CFLAR: variants seen among roughly 807,000 people sequenced by gnomAD.
CFLAR encodes the protein CASP8 and FADD like apoptosis regulator.
In CFLAR, 14 loss-of-function variants were observed where a neutral mutation model predicts 51.1. The ratio of observed to expected loss-of-function variants is 0.27; its 90% CI spans 0.18 to 0.43. The LOEUF (loss-of-function observed/expected upper bound fraction) is 0.43. Ranked by LOEUF, CFLAR falls within the 20% of genes least tolerant of loss-of-function variation. The pLI is 1.00. For synonymous variants in CFLAR, 210 were observed against 211.6 expected (o/e 0.99, Z 0.06); for missense variants, 390 against 566.5 (o/e 0.69, Z 3.16).
At position 201,140,437 on chromosome 2, in the gene CFLAR, A is replaced by T. The variant is rs773046454; in HGVS notation, c.604A>T (p.Arg202Trp). The T allele has an allele frequency of 2.5e-6, 4 of 1,594,832 alleles. No individual in the cohort carries two copies. Among genetic ancestry groups the T allele is most frequent in the Non-Finnish European group, 1.7e-6 (2 of 1,173,814 alleles). ...TCTCAAGGATCCTTCAAATAACTTC[A>T]GGGTGAGTCTGGAGAAAACATATGG... The part of the protein sequence containing the change: ...KSLKDPSNNF[R>W]LHNGRSKEQR... The change falls in exon 5 of 10, where the codon AGG (arginine) becomes TGG (tryptophan). Residue 202 changes from arginine (R) to tryptophan (W), a missense_variant and splice_region_variant. Physicochemically the swap from Arg to Trp is moderately radical, Grantham distance 101 (BLOSUM62 -3). Around this residue, in one of 2 missense-constraint regions of CFLAR, gnomAD observed 287 missense variants for 363.6 expected, o/e 0.79. Transcript: ENST00000309955.
chr2:201,152,620 A>G (rs1941464017), intron 8 of CFLAR, among the ~76,000 whole-genome samples: 1 of 152,224 alleles, frequency 6.6e-6, no homozygotes, highest in Non-Finnish European at 1.5e-5. Flanking sequence ...CAGGGCACTG[A>G]GGCCTGCCCT....
intron 1 of CFLAR, among the ~76,000 whole-genome samples, chr2:201,128,740 T>C (rs1200094389): frequency 6.6e-6 from 1 of 152,226 alleles, no homozygotes; most frequent in African/African-American, 2.4e-5. Context: ...GATTTTAACC[T>C]GAAATATTGT....
rs1400716329 is a variant in CFLAR, at chr2:201,161,508, G to A, written c.1304+566G>A. On this transcript the variant is annotated intron_variant, in intron 9 of 9. Coordinates refer to ENST00000309955, the MANE Select transcript of CFLAR (RefSeq NM_003879.7). ...GGCTCACTGCAACCTCCACCTCCCA[G>A]GTTCAAGCAGTTGTCCTGCCTCACC... 2.0e-5 allele frequency among the ~76,000 whole-genome samples: 3 copies of A among 151,348 alleles called. No homozygotes were observed. In the East Asian group the frequency reaches 5.8e-4, roughly 29 times the overall value.
rs867003732 is a variant in CFLAR at position 201,129,386 on chromosome 2, T to C, written c.-137-343T>C. On this transcript the variant is annotated intron_variant, in intron 1 of 9. Transcript: ENST00000309955. The stretch of plus-strand genomic sequence containing the variant: ...TTCCTTCTACTACGTACTTCTTCCC[T>C]ATTCCTCCTACTGAGGCCATTAAAC... The C allele has an allele frequency of 4.4e-5, 8 of 182,922 alleles. No homozygotes were observed. The Middle Eastern group carries it at 0.015, about 342-fold the overall frequency. 11.3% of individuals were successfully genotyped at this position (182,922 alleles called of 1,614,324 possible). A position where few individuals can be genotyped will look rare whatever the true frequency, so the allele number is the denominator to read the frequency against.
intron 8 of CFLAR, among the ~76,000 whole-genome samples, chr2:201,158,648 C>G (rs1367731992): frequency 6.6e-6 from 1 of 152,040 alleles, no homozygotes; most frequent in Non-Finnish European, 1.5e-5. Flanking sequence ...CACTGGGTAT[C>G]GAAACAAGCC....
chr2:201,118,002 G>A lies in CFLAR; in HGVS notation c.-138+1521G>A, dbSNP rs1381030545. ...ACTCCTGACCTTAGGTGATCCGCCC[G>A]CCTCGGCATCCCAAAGTGCTGGGAT... On this transcript the variant is annotated intron_variant, in intron 1 of 9. Coordinates refer to ENST00000309955, the MANE Select transcript of CFLAR (RefSeq NM_003879.7). This position sits in a 1 kb window ranked among gnomAD's most constrained non-coding sequence, Gnocchi z 5.1. 6.6e-6 allele frequency among the ~76,000 whole-genome samples: 1 copy of A among 152,052 alleles called. No individual in the cohort carries two copies.
At chr2:201,153,000 G>A (rs1941533253) in intron 8 of CFLAR, 1 of 152,294 alleles carries the variant, frequency 6.6e-6, no homozygotes, top group Admixed American at 6.5e-5. Flanking sequence ...GGCAGCTCTA[G>A]ACAGCAGGTC....
chr2:201,137,502 C>T (rs2050298392), intron 4 of CFLAR: 3 of 612,852 alleles, frequency 4.9e-6, no homozygotes, highest in African/African-American at 1.8e-5. Context: ...CCATCTCGCC[C>T]TGCACCGCTG....
chr2:201,137,927 G>A (rs1209237584), intron 4 of CFLAR: 2 of 763,366 alleles, frequency 2.6e-6, no homozygotes, highest in Admixed American at 3.4e-5. Context: ...AGGCTCCTAG[G>A]GCCAGGGCCT....
In CFLAR at chr2:201,162,703, G is replaced by A. The variant is rs533445150; in HGVS notation, c.1305-1132G>A. The A allele has an allele frequency of 4.2e-5, 11 of 259,890 alleles. No individual in the cohort carries two copies. The South Asian group carries it at 4.8e-4, about 11-fold the overall frequency. The allele number at this position is 259,890 out of a possible 1,614,324, so 16.1% of individuals were successfully genotyped here. Reference sequence around the variant, plus strand: ...CATGGCGATGAGGCACACAGGGAGAGGACAAGGACAGGCACCCCTCTATCC... The same window carrying A: ...CATGGCGATGAGGCACACAGGGAGAAGACAAGGACAGGCACCCCTCTATCC... On this transcript the variant is annotated intron_variant, in intron 9 of 9. Coordinates refer to ENST00000309955, the MANE Select transcript of CFLAR (RefSeq NM_003879.7).
chr2:201,163,695 A>G (rs1195119211), intron 9 of CFLAR, 140 bp from the exon 10 acceptor site: 1 of 1,452,310 alleles, frequency 6.9e-7, no homozygotes, highest in East Asian at 2.5e-5. Context: ...AGTTTGGATC[A>G]TTTGCTAAGC....
At chr2:201,137,927 G>T in intron 4 of CFLAR, 1 of 763,484 alleles carries the variant, frequency 1.3e-6, no homozygotes. Flanking sequence ...AGGCTCCTAG[G>T]GCCAGGGCCT....
chr2:201,139,066 G>A (rs1937674341), intron 4 of CFLAR: 3 of 402,270 alleles, frequency 7.5e-6, no homozygotes, highest in East Asian at 1.3e-4. Flanking sequence ...AGACATAGGA[G>A]ACTCCATTTT....
At chr2:201,144,934 C>A (rs986681567) in intron 5 of CFLAR, among the ~76,000 whole-genome samples, 4 of 152,112 alleles carry the variant, frequency 2.6e-5, no homozygotes, top group Non-Finnish European at 5.9e-5. Context: ...CTCACTGCAA[C>A]CTCTGCCTCT....
At chr2:201,161,962 G>T (rs925332826) in intron 9 of CFLAR, among the ~76,000 whole-genome samples, 1 of 151,696 alleles carries the variant, frequency 6.6e-6, no homozygotes, top group Non-Finnish European at 1.5e-5. Flanking sequence ...TGGCCAGGCT[G>T]GTCTGCAACT....
At chr2:201,132,953 TA>T in intron 2 of CFLAR, 75 bp from the exon 3 acceptor site, 1 of 1,508,822 alleles carries the variant, frequency 6.6e-7, no homozygotes, top group Non-Finnish European at 9.1e-7. Flanking sequence ...CATTGTTGCA[TA>T]GGGGAGGCGT....
intron 1 of CFLAR, among the ~76,000 whole-genome samples, chr2:201,117,971 T>G (rs941426111): frequency 2.6e-5 from 4 of 151,966 alleles, no homozygotes; most frequent in African/African-American, 9.7e-5. Flanking sequence ...GTCAGTCTGG[T>G]CTCGAACTCC....
chr2:201,146,007 C>T (rs1940077703), intron 6 of CFLAR, among the ~76,000 whole-genome samples: 1 of 151,788 alleles, frequency 6.6e-6, no homozygotes, highest in Admixed American at 6.6e-5. Flanking sequence ...CACTCTGTCA[C>T]CCAGGCCGGA....
chr2:201,120,157 A>T (rs2041768), intron 1 of CFLAR, among the ~76,000 whole-genome samples: 4,075 of 150,372 alleles, frequency 0.027, 196 homozygotes, highest in African/African-American at 0.094. Context: ...AGTAGCTGGA[A>T]CTACAGGTGT....
Sources: gnomAD v4.1 joint callset for allele counts (sites outside exome capture counted in the v4.1 genomes callset) on GRCh38, gnomAD v4.1.1 for gene constraint, gnomAD v4.1.1 regional missense constraint, Gnocchi (gnomAD v3.1) non-coding constraint, MANE v1.5 for transcripts, NCBI Gene and HGNC (gene_info 2026-07-23, HGNC 2026-07-21) for gene names.